Variants in AUTS2 observed in about 807,000 individuals in gnomAD.
AUTS2 encodes activator of transcription and developmental regulator AUTS2, also known as autism susceptibility gene 2 protein.
AUTS2 carries 17 observed loss-of-function variants against 112.4 expected under a neutral mutation model. The observed-to-expected ratio is 0.15, with a 90% CI of 0.10 to 0.23. The LOEUF is 0.23. Ranked by LOEUF, AUTS2 falls within the 10% of genes least tolerant of loss-of-function variation. The pLI is 1.00. For synonymous variants in AUTS2, 751 were observed against 702.7 expected (o/e 1.07, Z -1.09); for missense variants, 1,510 against 1,701.6 (o/e 0.89, Z 1.98).
chr7:70,441,294 C>T (rs117728464), intron 5 of AUTS2, among the ~76,000 whole-genome samples: 1 of 152,124 alleles, frequency 6.6e-6, no homozygotes, highest in African/African-American at 2.4e-5. Flanking sequence ...TGTCCTGTAC[C>T]CAGGACAGCC....
At chr7:69,641,205 A>C (rs1214266652) in intron 1 of AUTS2, among the ~76,000 whole-genome samples, 2 of 152,338 alleles carry the variant, frequency 1.3e-5, no homozygotes, top group South Asian at 2.1e-4. Context: ...ATGAACAGAA[A>C]TAGGACACAG....
chr7:70,503,516 ATTTTTTT>A (rs5884783), intron 5 of AUTS2, among the ~76,000 whole-genome samples: 1 of 120,214 alleles, frequency 8.3e-6, no homozygotes, highest in South Asian at 2.7e-4. Flanking sequence ...CTCCCGTCTC[ATTTTTTT>A]TTTTTTTTTT....
intron 14 of AUTS2, among the ~76,000 whole-genome samples, chr7:70,781,291 G>T (rs1055119710): frequency 6.6e-6 from 1 of 150,690 alleles, no homozygotes; most frequent in Non-Finnish European, 1.5e-5. Context: ...AACCCAGGAG[G>T]TGGAGGTTGT....
chr7:70,291,238 A>T (rs1788695853), intron 4 of AUTS2: 1 of 152,224 alleles, frequency 6.6e-6, no homozygotes, highest in African/African-American at 2.4e-5. Flanking sequence ...GAGGAATATT[A>T]TGTGAACAAA....
chr7:69,906,871 CTAAGGTGGGAGGA>C (rs1795168701), intron 2 of AUTS2, among the ~76,000 whole-genome samples: 1 of 152,050 alleles, frequency 6.6e-6, no homozygotes, highest in Admixed American at 6.6e-5. Flanking sequence ...CTTTGGGAGG[CTAAGGTGGGAGGA>C]TTGCTTTGAG....
chr7:70,003,217 A>T (rs1234137865), intron 2 of AUTS2, among the ~76,000 whole-genome samples: 1 of 134,048 alleles, frequency 7.5e-6, no homozygotes, highest in Non-Finnish European at 1.5e-5. Flanking sequence ...TGAATATATT[A>T]TATATGAATA....
chr7:70,775,485 T>A, intron 13 of AUTS2, 99 bp downstream of exon 13: 2 of 974,448 alleles, frequency 2.1e-6, no homozygotes, highest in Non-Finnish European at 3.2e-6. Context: ...ATAGAAATGT[T>A]GGAATAAGAC....
chr7:70,443,852 T>C (rs1258029574), intron 5 of AUTS2, among the ~76,000 whole-genome samples: 2 of 152,242 alleles, frequency 1.3e-5, no homozygotes, highest in African/African-American at 4.8e-5. Context: ...CCTCAACTAC[T>C]GTAAGTATTT....
chr7:70,737,978 A>G (rs1787867762), intron 6 of AUTS2, among the ~76,000 whole-genome samples: 1 of 152,054 alleles, frequency 6.6e-6, no homozygotes, highest in Non-Finnish European at 1.5e-5. Context: ...GGGAATTTAC[A>G]AAGCCCTCTA....
intron 1 of AUTS2, among the ~76,000 whole-genome samples, chr7:69,723,101 C>G (rs1053644741): frequency 6.6e-6 from 1 of 152,124 alleles, no homozygotes; most frequent in African/African-American, 2.4e-5. Context: ...ATAGCAGTCC[C>G]TGATCCAAAG....
rs138258786 is a variant in AUTS2, at chr7:70,667,469, C to T, written c.691-31100C>T. Among the ~76,000 whole-genome samples, 15 of 152,326 alleles carry T rather than the reference C, an allele frequency of 9.8e-5. No homozygotes were observed. In the East Asian group the frequency reaches 2.9e-3, roughly 29 times the overall value. ...ATTGACACAAGGCCCCCAAAGAAAT[C>T]GCCTTCACACTTCTTTTCCTTTTCT... is the stretch of plus-strand genomic sequence containing the variant. On this transcript the variant is annotated intron_variant, in intron 5 of 18. Transcript: ENST00000342771.
intron 1 of AUTS2, among the ~76,000 whole-genome samples, chr7:69,786,986 G>T (rs951894920): frequency 7.2e-5 from 11 of 152,164 alleles, no homozygotes; most frequent in African/African-American, 2.4e-4. Context: ...ATCAGTTGAG[G>T]TTTGGTATCA....
At chr7:70,209,225 A>G (rs945345347) in intron 4 of AUTS2, among the ~76,000 whole-genome samples, 1 of 152,202 alleles carries the variant, frequency 6.6e-6, no homozygotes, top group African/African-American at 2.4e-5. Flanking sequence ...AAGTAAAAAG[A>G]GGAAGCAAGG....
chr7:70,020,137 G>T (rs750277066), intron 2 of AUTS2, among the ~76,000 whole-genome samples: 3 of 152,232 alleles, frequency 2.0e-5, no homozygotes, highest in African/African-American at 7.2e-5. Context: ...GCACACCTGA[G>T]ATTCCATTCC....
At chr7:70,044,653 C>G (rs1801420306) in intron 2 of AUTS2, among the ~76,000 whole-genome samples, 1 of 152,148 alleles carries the variant, frequency 6.6e-6, no homozygotes, top group Admixed American at 6.5e-5. Context: ...TAAGTGAAAA[C>G]AAATGCCTTT....
At chr7:70,628,522 C>G (rs1805080959) in intron 5 of AUTS2, among the ~76,000 whole-genome samples, 1 of 151,384 alleles carries the variant, frequency 6.6e-6, no homozygotes, top group Admixed American at 6.6e-5. Flanking sequence ...ATCATTGAAA[C>G]TGAGATACTT....
At chr7:69,936,489 A>G (rs1398694303) in intron 2 of AUTS2, among the ~76,000 whole-genome samples, 1 of 152,088 alleles carries the variant, frequency 6.6e-6, no homozygotes, top group African/African-American at 2.4e-5. Flanking sequence ...AGCTGGGACT[A>G]CAGGTGCCCG....
chr7:70,504,856 C>T (rs1345494856), intron 5 of AUTS2, among the ~76,000 whole-genome samples: 1 of 152,202 alleles, frequency 6.6e-6, no homozygotes, highest in Non-Finnish European at 1.5e-5. Flanking sequence ...ATCAGAGTTA[C>T]AGTGCAGTAT....
intron 4 of AUTS2, among the ~76,000 whole-genome samples, chr7:70,204,639 A>G (rs1268853625): frequency 6.6e-6 from 1 of 152,152 alleles, no homozygotes; most frequent in Admixed American, 6.5e-5. Flanking sequence ...GAATTCCTGT[A>G]AGTTAATTGT....
Sources: gnomAD v4.1 joint callset for allele counts (sites outside exome capture counted in the v4.1 genomes callset) on GRCh38, gnomAD v4.1.1 for gene constraint, MANE v1.5 for transcripts, NCBI Gene and HGNC (gene_info 2026-07-23, HGNC 2026-07-21) for gene names.